LRRC4: variants seen among roughly 807,000 people sequenced by gnomAD.
LRRC4 encodes the protein leucine-rich repeat-containing protein 4.
A neutral mutation model predicts 37.9 loss-of-function variants in LRRC4; 11 were observed. The observed-to-expected ratio is 0.29, with a 90% CI of 0.18 to 0.48. The LOEUF (loss-of-function observed/expected upper bound fraction) is 0.48, where lower values mean the gene tolerates loss of function less well. Among genes scored for constraint, LRRC4 ranks in the 20% least tolerant of loss-of-function variants. The probability of loss-of-function intolerance (pLI) is 0.99; values close to 1 mark genes in which losing one functional copy is unlikely to be tolerated. For missense variants in LRRC4, 717 were observed against 842.1 expected, an observed-to-expected ratio of 0.85 and a Z score of 1.84; for synonymous variants, 404 against 346.7, an observed-to-expected ratio of 1.17 and a Z score of -1.84.
At position 128,028,501 on chromosome 7, in the gene LRRC4, G is replaced by C; in HGVS notation, c.*178C>G. 1.7e-6 allele frequency: 1 copy of C among 595,348 alleles called. No individual in the cohort carries two copies. The allele number at this position is 595,348 out of a possible 1,614,324, so 36.9% of individuals were successfully genotyped here. A position where few individuals can be genotyped will look rare whatever the true frequency, so the allele number is the denominator to read the frequency against. ...CCCTTTAAATAGAACTTACAAGTTAGAAAATATTTTTGTTTTGACTTTTTG... is the reference window on the plus strand; with the variant it reads ...CCCTTTAAATAGAACTTACAAGTTACAAAATATTTTTGTTTTGACTTTTTG... On this transcript the variant is annotated 3_prime_UTR_variant, in exon 2 of 2. Coordinates refer to ENST00000249363, the MANE Select transcript of LRRC4 (RefSeq NM_022143.5).
rs1462981579 is a variant in LRRC4, at chr7:128,029,297, G to A, written c.1344C>T (p.Thr448=). Residue 448 remains threonine (T), a synonymous_variant, in exon 2 of 2, where the codon ACC becomes ACT. Transcript: ENST00000249363. The surrounding 1 kb of genome is among the most constrained non-coding windows in gnomAD (Gnocchi z 4.2). The part of the protein sequence containing the change: ...YLNVSTAELN[T]SNYSFFTTVT... ...CTGTGGTGAAGAAGCTGTAGTTGGAGGTGTTAAGCTCAGCCGTGCTCACAT... is the reference window on the plus strand; with the variant it reads ...CTGTGGTGAAGAAGCTGTAGTTGGAAGTGTTAAGCTCAGCCGTGCTCACAT... 1 of 1,614,070 alleles carries A rather than the reference G, an allele frequency of 6.2e-7. No individual in the cohort carries two copies. The highest frequency in any genetic ancestry group is 1.3e-5 in the African/African-American group (1 of 74,930).
chr7:128,030,206 G>C lies in LRRC4; in HGVS notation c.435C>G (p.Tyr145Ter). 1 of 1,614,232 alleles carries C rather than the reference G, an allele frequency of 6.2e-7. No homozygotes were observed. Among genetic ancestry groups the C allele is most frequent in the Non-Finnish European group, 8.5e-7 (1 of 1,180,040 alleles). Residue 145 changes from tyrosine to a stop codon, truncating the protein, a stop_gained, in exon 2 of 2, where the codon TAC becomes TAG. Coordinates refer to ENST00000249363, the MANE Select transcript of LRRC4 (RefSeq NM_022143.5). LOFTEE classifies it high-confidence loss of function. Reference sequence around the variant, plus strand: ...GCCAGAGCTCCCGCAGCTTGGACAGGTATTCAAAGGCCCCGCTAGGGATGA... The same window carrying C: ...GCCAGAGCTCCCGCAGCTTGGACAGCTATTCAAAGGCCCCGCTAGGGATGA... ...LTVIPSGAFEYLSKLRELWLR... is the reference protein window; with the variant it reads ...LTVIPSGAFE
rs1352263294 is a variant in LRRC4, at chr7:128,030,594, G to C, written c.47C>G (p.Ala16Gly). The change falls in exon 2 of 2, where the codon GCC becomes GGC. Residue 16 changes from alanine (A) to glycine (G), a missense_variant. Ala to Gly is a moderately conservative substitution (Grantham distance 60, BLOSUM62 0). Around this residue, in one of 5 missense-constraint regions of LRRC4, gnomAD observed 127 missense variants for 134.8 expected, o/e 0.94. Transcript: ENST00000249363. ...GAGGTAGACGAACGGGAGCAGGATG[G>C]CATTCCAGGTGTGGTGGTGCACAGT... The part of the protein sequence containing the change: ...QVTVHHHTWN[A>G]ILLPFVYLTA... The C allele has an allele frequency of 6.3e-7, 1 of 1,596,154 alleles. No individual in the cohort carries two copies. The highest frequency in any genetic ancestry group is 2.2e-5 in the East Asian group (1 of 44,602).
In LRRC4 at chr7:128,030,589, G is replaced by A. The variant is rs1584749641; in HGVS notation, c.52C>T (p.Leu18=). The A allele has an allele frequency of 6.3e-7, 1 of 1,599,558 alleles. No individual in the cohort carries two copies. The highest frequency in any genetic ancestry group is 2.2e-5 in the East Asian group (1 of 44,628). ...GCCGTGAGGTAGACGAACGGGAGCA[G>A]GATGGCATTCCAGGTGTGGTGGTGC... ...TVHHHTWNAI[L]LPFVYLTAQV... is the part of the protein sequence containing the mutation. Residue 18 remains leucine, a synonymous_variant, in exon 2 of 2, where the codon CTG becomes TTG. Coordinates refer to ENST00000249363, the MANE Select transcript of LRRC4 (RefSeq NM_022143.5).
Position 128,027,140 on chromosome 7 carries a change from G to A in LRRC4, c.*1539C>T, listed in dbSNP as rs1554458737. ...CTCACATTACAATCAGTGTTCTTTTGTTGGCAATTCCCCTCCCCCACCCAT... is the reference window on the plus strand; with the variant it reads ...CTCACATTACAATCAGTGTTCTTTTATTGGCAATTCCCCTCCCCCACCCAT... On this transcript the variant is annotated 3_prime_UTR_variant, in exon 2 of 2. Coordinates refer to ENST00000249363, the MANE Select transcript of LRRC4 (RefSeq NM_022143.5). The A allele has an allele frequency of 6.6e-6, 1 of 152,500 alleles. No homozygotes were observed. Among genetic ancestry groups the A allele is most frequent in the Non-Finnish European group, 1.5e-5 (1 of 68,014 alleles). The allele number at this position is 152,500 out of a possible 1,614,324, so 9.4% of individuals were successfully genotyped here. A position where few individuals can be genotyped will look rare whatever the true frequency, so the allele number is the denominator to read the frequency against.
Position 128,028,722 on chromosome 7 carries a change from A to C in LRRC4, c.1919T>G (p.Ile640Ser). Reference sequence around the variant, plus strand: ...TACCTTGTCCTTGGTATGGGTCTGAATTATATAAGGTTCAGAGATAGTGGT... The same window carrying C: ...TACCTTGTCCTTGGTATGGGTCTGACTTATATAAGGTTCAGAGATAGTGGT... The part of the protein sequence containing the change: ...TVTTISEPYI[I>S]QTHTKDKVQE... Residue 640 changes from isoleucine to serine, a missense_variant, in exon 2 of 2, where the codon ATT becomes AGT. Ile to Ser is a moderately radical substitution (Grantham distance 142, BLOSUM62 -2). Coordinates refer to ENST00000249363, the MANE Select transcript of LRRC4 (RefSeq NM_022143.5). 6.2e-7 allele frequency: 1 copy of C among 1,613,984 alleles called. No individual in the cohort carries two copies. The highest frequency in any genetic ancestry group is 8.5e-7 in the Non-Finnish European group (1 of 1,179,992).
chr7:128,028,464 T>G lies in LRRC4; in HGVS notation c.*215A>C. Reference sequence around the variant, plus strand: ...CTTGTACCCCACAACGTTCCCAAGATTCCCCCCCACCCCCTTTAAATAGAA... The same window carrying G: ...CTTGTACCCCACAACGTTCCCAAGAGTCCCCCCCACCCCCTTTAAATAGAA... On this transcript the variant is annotated 3_prime_UTR_variant, in exon 2 of 2. Transcript: ENST00000249363. 2.2e-6 allele frequency: 1 copy of G among 460,704 alleles called. No homozygotes were observed. The highest frequency in any genetic ancestry group is 4.0e-5 in the Admixed American group (1 of 25,288). The allele number at this position is 460,704 out of a possible 1,614,324, so 28.5% of individuals were successfully genotyped here.
At position 128,028,871 on chromosome 7, in the gene LRRC4, T is replaced by C. The variant is rs1282093963; in HGVS notation, c.1770A>G (p.Val590=). 2 of 1,614,210 alleles carry C rather than the reference T, an allele frequency of 1.2e-6. No individual in the cohort carries two copies. The highest frequency in any genetic ancestry group is 2.2e-5 in the East Asian group (1 of 44,892). ...SAAATAAPSG[V]SGEGAVVLPT... ...GCAGCACTACTGCCCCCTCACCTGA[T>C]ACACCGGACGGAGCTGCTGTTGCTG... The change falls in exon 2 of 2, where the codon GTA becomes GTG. Residue 590 remains valine (V), a synonymous_variant. Coordinates refer to ENST00000249363, the MANE Select transcript of LRRC4 (RefSeq NM_022143.5).
rs1792588804 is a variant in LRRC4 at position 128,031,221 on chromosome 7, T to C, written c.-409A>G. Among the ~76,000 whole-genome samples, 1 of 151,010 alleles carries C rather than the reference T, an allele frequency of 6.6e-6. No homozygotes were observed. The highest frequency in any genetic ancestry group is 2.1e-4 in the South Asian group (1 of 4,748). On this transcript the variant is annotated 5_prime_UTR_variant, in exon 1 of 2. Transcript: ENST00000249363. ...CCCAAGGAGCGGCGCCACCAGCGCT[T>C]CCCGGCTTTGTCCTTGGACCCTGGC...
Position 128,029,603 on chromosome 7 carries a change from G to A in LRRC4, c.1038C>T (p.Ala346=), listed in dbSNP as rs776568236. Residue 346 remains alanine (A), a synonymous_variant, in exon 2 of 2, where the codon GCC becomes GCT. Coordinates refer to ENST00000249363, the MANE Select transcript of LRRC4 (RefSeq NM_022143.5). This position sits in a 1 kb window ranked among gnomAD's most constrained non-coding sequence, Gnocchi z 4.2. ...TGAAGGGGGCAGAGCACTGGAAGGA[G>A]GCCTGGTCCACCTCCACGAGGTAGC... is the stretch of plus-strand genomic sequence containing the variant. The part of the protein sequence containing the change: ...RGRYLVEVDQ[A]SFQCSAPFIM... 8.1e-6 allele frequency: 13 copies of A among 1,613,958 alleles called. No individual in the cohort carries two copies. The highest frequency in any genetic ancestry group is 2.2e-5 in the South Asian group (2 of 91,090).
chr7:128,028,565 C>T lies in LRRC4; in HGVS notation c.*114G>A. ...ATATAATCTGTTTTTTTTAACCAGCCCATAGACTTAATATATAAGCATATA... is the reference window on the plus strand; with the variant it reads ...ATATAATCTGTTTTTTTTAACCAGCTCATAGACTTAATATATAAGCATATA... On this transcript the variant is annotated 3_prime_UTR_variant, in exon 2 of 2. Coordinates refer to ENST00000249363, the MANE Select transcript of LRRC4 (RefSeq NM_022143.5). The T allele has an allele frequency of 3.0e-6, 3 of 993,720 alleles. No individual in the cohort carries two copies. The highest frequency in any genetic ancestry group is 1.6e-5 in the African/African-American group (1 of 61,326). 61.6% of individuals were successfully genotyped at this position (993,720 alleles called of 1,614,324 possible).
chr7:128,030,680 G>T lies in LRRC4; in HGVS notation c.-40C>A. On this transcript the variant is annotated 5_prime_UTR_variant, in exon 2 of 2. Coordinates refer to ENST00000249363, the MANE Select transcript of LRRC4 (RefSeq NM_022143.5). Reference sequence around the variant, plus strand: ...ATAATTCACCATCGCCTGGGATTTTGGCTCGGAAAGGAGAACCAGCCCTAC... The same window carrying T: ...ATAATTCACCATCGCCTGGGATTTTTGCTCGGAAAGGAGAACCAGCCCTAC... 6.6e-7 allele frequency: 1 copy of T among 1,522,742 alleles called. No individual in the cohort carries two copies. The highest frequency in any genetic ancestry group is 1.3e-5 in the South Asian group (1 of 77,088). 94.3% of individuals were successfully genotyped at this position (1,522,742 alleles called of 1,614,324 possible). A position where few individuals can be genotyped will look rare whatever the true frequency, so the allele number is the denominator to read the frequency against.
rs559634295 is a variant in LRRC4, at chr7:128,030,845, G to A, written c.-101+68C>T. ...CCCTGGTCTCCCAACCCACCCTCAA[G>A]GCAAGCCCTCCGAAAGCTACGACTC... is the stretch of plus-strand genomic sequence containing the variant. On this transcript the variant is annotated intron_variant, in intron 1 of 1. Transcript: ENST00000249363. 5.1e-5 allele frequency: 29 copies of A among 571,320 alleles called. No homozygotes were observed. In the East Asian group the frequency reaches 8.9e-4, roughly 17 times the overall value. The allele number at this position is 571,320 out of a possible 1,614,324, so 35.4% of individuals were successfully genotyped here.
At position 128,029,127 on chromosome 7, in the gene LRRC4, G is replaced by A; in HGVS notation, c.1514C>T (p.Ala505Val). The A allele has an allele frequency of 1.2e-6, 2 of 1,614,138 alleles. No homozygotes were observed. The highest frequency in any genetic ancestry group is 2.2e-5 in the East Asian group (1 of 44,890). The change falls in exon 2 of 2, where the codon GCA becomes GTA. Residue 505 changes from alanine to valine, a missense_variant. Coordinates refer to ENST00000249363, the MANE Select transcript of LRRC4 (RefSeq NM_022143.5). This position sits in a 1 kb window ranked among gnomAD's most constrained non-coding sequence, Gnocchi z 4.2. The stretch of plus-strand genomic sequence containing the variant: ...GTCAGTGGTGTCTGTCGCGGGTACT[G>A]CCACCTGCTTGGGCACACGGGTAGT... ...IQTTRVPKQVAVPATDTTDKM... is the reference protein window; with the variant it reads ...IQTTRVPKQVVVPATDTTDKM...
Position 128,030,034 on chromosome 7 carries a change from A to G in LRRC4, c.607T>C (p.Leu203=). ...ATGTCTTTAATGTTGCACATGCCCA[A>G]GTTCAGATACTTGAGGTTGAACAGC... ...EGLFNLKYLN[L]GMCNIKDMPN... is the part of the protein sequence containing the mutation. The change falls in exon 2 of 2, where the codon TTG becomes CTG. Residue 203 remains leucine, a synonymous_variant. Transcript: ENST00000249363. 1 of 1,613,252 alleles carries G rather than the reference A, an allele frequency of 6.2e-7. No homozygotes were observed. The highest frequency in any genetic ancestry group is 8.5e-7 in the Non-Finnish European group (1 of 1,180,032).
Position 128,029,585 on chromosome 7 carries a change from G to A in LRRC4, c.1056C>T (p.Ala352=), listed in dbSNP as rs1449094128. Residue 352 remains alanine, a synonymous_variant, in exon 2 of 2, where the codon GCC becomes GCT. Coordinates refer to ENST00000249363, the MANE Select transcript of LRRC4 (RefSeq NM_022143.5). The surrounding 1 kb of genome is among the most constrained non-coding windows in gnomAD (Gnocchi z 4.2). ...CTCGAGGTGCGTCCATGATGAAGGGGGCAGAGCACTGGAAGGAGGCCTGGT... is the reference window on the plus strand; with the variant it reads ...CTCGAGGTGCGTCCATGATGAAGGGAGCAGAGCACTGGAAGGAGGCCTGGT... The part of the protein sequence containing the change: ...EVDQASFQCS[A]PFIMDAPRDL... The A allele has an allele frequency of 1.2e-5, 19 of 1,613,910 alleles. No homozygotes were observed. Among genetic ancestry groups the A allele is most frequent in the East Asian group, 2.2e-5 (1 of 44,896 alleles).
chr7:128,028,814 G>C lies in LRRC4; in HGVS notation c.1827C>G (p.Thr609=). 6.2e-7 allele frequency: 1 copy of C among 1,614,146 alleles called. No individual in the cohort carries two copies. Among genetic ancestry groups the C allele is most frequent in the Non-Finnish European group, 8.5e-7 (1 of 1,180,020 alleles). The change falls in exon 2 of 2, where the codon ACC becomes ACG. Residue 609 remains threonine (T), a synonymous_variant. Transcript: ENST00000249363. Reference sequence around the variant, plus strand: ...AGTGGGCCCCATGTGCTGGTTTGTAGGTGTTGTAGTTAATATGGTCATGAA... The same window carrying C: ...AGTGGGCCCCATGTGCTGGTTTGTACGTGTTGTAGTTAATATGGTCATGAA... ...PTIHDHINYN[T]YKPAHGAHWT...
At chr7:128,031,927 G>A (rs1792626847), upstream of LRRC4, 1 of 151,190 alleles carries the variant, frequency 6.6e-6, no homozygotes, top group Admixed American at 6.6e-5. Flanking sequence ...GGTCGCGGCT[G>A]CGGGAAACGC....
chr7:128,027,374 C>T lies in LRRC4; in HGVS notation c.*1305G>A, dbSNP rs1430630693. ...CCATTCAACAGTACCCCATGTGGAA[C>T]TCCATGTGTGCATGCGTGTCACTTG... On this transcript the variant is annotated 3_prime_UTR_variant, in exon 2 of 2. Coordinates refer to ENST00000249363, the MANE Select transcript of LRRC4 (RefSeq NM_022143.5). 1 of 151,318 alleles carries T rather than the reference C, an allele frequency of 6.6e-6. No individual in the cohort carries two copies. The highest frequency in any genetic ancestry group is 1.5e-5 in the Non-Finnish European group (1 of 67,792). 9.4% of individuals were successfully genotyped at this position (151,318 alleles called of 1,614,324 possible). A position where few individuals can be genotyped will look rare whatever the true frequency, so the allele number is the denominator to read the frequency against.
Sources: gnomAD v4.1 joint callset for allele counts (sites outside exome capture counted in the v4.1 genomes callset) on GRCh38, gnomAD v4.1.1 for gene constraint, gnomAD v4.1.1 regional missense constraint, Gnocchi (gnomAD v3.1) non-coding constraint, MANE v1.5 for transcripts, NCBI Gene and HGNC (gene_info 2026-07-23, HGNC 2026-07-21) for gene names.